Variants in AURKA observed in about 807,000 individuals in gnomAD.
AURKA encodes the protein aurora 2.
AURKA carries 12 observed loss-of-function variants against 40.9 expected under a neutral mutation model. The ratio of observed to expected loss-of-function variants is 0.29; its 90% CI spans 0.19 to 0.48. The LOEUF is 0.48. Ranked by LOEUF, AURKA falls within the 20% of genes least tolerant of loss-of-function variation. The pLI is 0.99. For missense variants in AURKA, 322 were observed against 462.1 expected (o/e 0.70, Z 2.78); for synonymous variants, 170 against 164.3 (o/e 1.03, Z -0.26).
In AURKA at chr20:56,369,393, A is replaced by G. The variant is rs1983785162; in HGVS notation, c.*765T>C. The G allele has an allele frequency of 4.4e-6, 1 of 227,970 alleles. No homozygotes were observed. The highest frequency in any genetic ancestry group is 8.7e-6 in the Non-Finnish European group (1 of 114,922). 14.1% of individuals were successfully genotyped at this position (227,970 alleles called of 1,614,324 possible). ...GAATTACACAGCACTCCACACAGAC[A>G]TAGATACTTATTTATTTGCATATTT... On this transcript the variant is annotated 3_prime_UTR_variant, in exon 9 of 9. Coordinates refer to ENST00000395915, the MANE Select transcript of AURKA (RefSeq NM_198437.3).
At chr20:56,374,603 T>C (rs897164638) in intron 6 of AURKA, among the ~76,000 whole-genome samples, 8 of 144,248 alleles carry the variant, frequency 5.5e-5, no homozygotes, top group Admixed American at 4.2e-4. Context: ...AGTTACTATC[T>C]TTTTTTTTTT....
intron 3 of AURKA, among the ~76,000 whole-genome samples, chr20:56,385,223 C>T (rs544531795): frequency 6.6e-6 from 1 of 152,206 alleles, no homozygotes; most frequent in Admixed American, 6.5e-5. Context: ...CTCTGTAAAA[C>T]TGAGTTAATA....
At position 56,372,291 on chromosome 20, in the gene AURKA, G is replaced by A. The variant is rs534480877; in HGVS notation, c.854+1117C>T. On this transcript the variant is annotated intron_variant, in intron 7 of 8. Coordinates refer to ENST00000395915, the MANE Select transcript of AURKA (RefSeq NM_198437.3). Reference sequence around the variant, plus strand: ...ATCTAACCCCTCCATCAGCACCGACGGACTGAATCGGGGGTTCTCAAACTG... The same window carrying A: ...ATCTAACCCCTCCATCAGCACCGACAGACTGAATCGGGGGTTCTCAAACTG... 1.2e-3 allele frequency among the ~76,000 whole-genome samples: 182 copies of A among 152,268 alleles called. 1 individual carries two copies. The highest frequency in any genetic ancestry group is 4.1e-3 in the African/African-American group (171 of 41,544).
chr20:56,374,616 A>G, intron 6 of AURKA, among the ~76,000 whole-genome samples: 1 of 150,906 alleles, frequency 6.6e-6, no homozygotes, highest in Non-Finnish European at 1.5e-5. Flanking sequence ...TTTTTTTTTA[A>G]TAGAGATGGG....
chr20:56,387,816 C>G (rs1246780082), intron 2 of AURKA, among the ~76,000 whole-genome samples: 1 of 152,164 alleles, frequency 6.6e-6, no homozygotes, highest in East Asian at 1.9e-4. Context: ...AACTTAGAAT[C>G]AAATACAGTA....
chr20:56,383,210 A>G, intron 4 of AURKA, 34 bp from the exon 5 acceptor site: 1 of 1,609,718 alleles, frequency 6.2e-7, no homozygotes, highest in Non-Finnish European at 8.5e-7. Context: ...GAATGTGAAG[A>G]AAACAAAGCT....
chr20:56,386,017 A>G (rs6014711), intron 3 of AURKA, among the ~76,000 whole-genome samples: 128,208 of 152,114 alleles, frequency 0.84, 54,059 homozygotes, highest in Admixed American at 0.88. Context: ...ACACCAATTT[A>G]TGCTGTGTCC....
At chr20:56,390,323 T>C (rs76217544) in intron 1 of AURKA, among the ~76,000 whole-genome samples, 2 of 152,054 alleles carry the variant, frequency 1.3e-5, no homozygotes, top group African/African-American at 4.8e-5. Context: ...TTTTTTTTTT[T>C]TGAGATAGAG....
chr20:56,374,417 G>C (rs767112197), intron 6 of AURKA, among the ~76,000 whole-genome samples: 11 of 152,040 alleles, frequency 7.2e-5, no homozygotes, highest in Non-Finnish European at 1.2e-4. Flanking sequence ...AGAAGAATTT[G>C]TTTAAAGCTA....
At chr20:56,382,921 T>A in intron 5 of AURKA, 64 bp downstream of exon 5, 1 of 1,580,862 alleles carries the variant, frequency 6.3e-7, no homozygotes, top group African/African-American at 1.3e-5. Flanking sequence ...GAGGCTGACA[T>A]TACAGGAGGG....
In AURKA at chr20:56,382,720, T is replaced by TA. The variant is rs3838041; in HGVS notation, c.566+264dup. ...GCCCTCTAAAAAATAAATTTATACT[T>TA]AAAAAAAAAAAAAGGAATACAATTT... On this transcript the variant is annotated intron_variant, in intron 5 of 8. Coordinates refer to ENST00000395915, the MANE Select transcript of AURKA (RefSeq NM_198437.3). 6.8e-3 allele frequency among the ~76,000 whole-genome samples: 978 copies of TA among 144,702 alleles called. 9 individuals carry two copies. Among genetic ancestry groups the TA allele is most frequent in the African/African-American group, 0.023 (888 of 39,242 alleles). 94.9% of individuals were successfully genotyped at this position (144,702 alleles called of 152,430 possible). A position where few individuals can be genotyped will look rare whatever the true frequency, so the allele number is the denominator to read the frequency against.
chr20:56,381,608 G>A, intron 5 of AURKA, 37 bp from the exon 6 acceptor site: 1 of 1,611,010 alleles, frequency 6.2e-7, no homozygotes, highest in South Asian at 1.1e-5. Context: ...ACTTGGTTTG[G>A]AGCTCACAGA....
chr20:56,378,122 C>G (rs1985175291), intron 6 of AURKA, among the ~76,000 whole-genome samples: 2 of 152,134 alleles, frequency 1.3e-5, no homozygotes, highest in Non-Finnish European at 2.9e-5. Flanking sequence ...CATGCCATTG[C>G]ACTCCAGTCT....
intron 7 of AURKA, among the ~76,000 whole-genome samples, chr20:56,371,547 T>C (rs1338078088): frequency 7.0e-6 from 1 of 142,814 alleles, no homozygotes; most frequent in East Asian, 2.0e-4. Flanking sequence ...GGAATAAAGG[T>C]CCAAGTTAAG....
rs1985703281 is a variant in AURKA at position 56,381,491 on chromosome 20, C to A, written c.647G>T (p.Gly216Val). The A allele has an allele frequency of 1.9e-6, 3 of 1,613,910 alleles. No homozygotes were observed. The highest frequency in any genetic ancestry group is 1.7e-6 in the Non-Finnish European group (2 of 1,179,962). Reference protein sequence around the residue: ...VYLILEYAPLGTVYRELQKLS... With the variant: ...VYLILEYAPLVTVYRELQKLS... ...TTTCTGAAGTTCTCTATAAACTGTT[C>A]CAAGTGGTGCATATTCCAGAATTAG... is the stretch of plus-strand genomic sequence containing the variant. The change falls in exon 6 of 9, where the codon GGA becomes GTA. Residue 216 changes from glycine to valine, a missense_variant. Transcript: ENST00000395915.
rs1046049069 is a variant in AURKA at position 56,379,819 on chromosome 20, G to A, written c.705+1614C>T. Reference sequence around the variant, plus strand: ...TCTACTAAAAATACAAAAATGAGCCGGGTGTGGTGGTGCATGCCTGTTAAT... The same window carrying A: ...TCTACTAAAAATACAAAAATGAGCCAGGTGTGGTGGTGCATGCCTGTTAAT... On this transcript the variant is annotated intron_variant, in intron 6 of 8. Transcript: ENST00000395915. Among the ~76,000 whole-genome samples the A allele has an allele frequency of 1.3e-4, 19 of 151,186 alleles. No homozygotes were observed. In the Middle Eastern group the frequency reaches 0.01, roughly 83 times the overall value.
chr20:56,382,701 T>C (rs1485543096), intron 5 of AURKA, among the ~76,000 whole-genome samples: 4 of 149,804 alleles, frequency 2.7e-5, no homozygotes, highest in Non-Finnish European at 5.9e-5. Flanking sequence ...GCAGGCCCTC[T>C]AAAAAATAAA....
At chr20:56,389,067 G>A (rs1986730311) in intron 1 of AURKA, among the ~76,000 whole-genome samples, 1 of 152,158 alleles carries the variant, frequency 6.6e-6, no homozygotes, top group Non-Finnish European at 1.5e-5. Context: ...AGCAGAATCT[G>A]ACAAGGTTGA....
chr20:56,384,292 G>C lies in AURKA; in HGVS notation c.352C>G (p.Gln118Glu). The change falls in exon 4 of 9, where the codon CAG becomes GAG. Residue 118 changes from glutamine (Q) to glutamate (E), a missense_variant. Coordinates refer to ENST00000395915, the MANE Select transcript of AURKA (RefSeq NM_198437.3). ...TACTTTTTTGATTCTTCATTTTTCT[G>C]TTTTGATGCCAGTTCCTCCTCAGGA... ...NNPEEELASKQKNEESKKRQW... is the reference protein window; with the variant it reads ...NNPEEELASKEKNEESKKRQW... 3 of 1,601,184 alleles carry C rather than the reference G, an allele frequency of 1.9e-6. No homozygotes were observed. The highest frequency in any genetic ancestry group is 2.6e-6 in the Non-Finnish European group (3 of 1,169,526).
Sources: allele counts gnomAD v4.1 joint callset (sites outside exome capture counted in the v4.1 genomes callset), GRCh38; gene constraint gnomAD v4.1.1; transcripts MANE v1.5; gene names NCBI Gene and HGNC (gene_info 2026-07-23, HGNC 2026-07-21).